Variants in KIZ observed in about 807,000 individuals in gnomAD.
The protein encoded by KIZ is kizuna centrosomal protein.
Under a neutral mutation model 79.6 loss-of-function variants are expected in KIZ, and 68 were observed. The ratio of observed to expected loss-of-function variants is 0.85; its 90% CI spans 0.70 to 1.05. The LOEUF (loss-of-function observed/expected upper bound fraction) is 1.05. KIZ is among the 50% of genes least tolerant of loss of function. The pLI is 0.00. For missense variants in KIZ, 797 were observed against 800.4 expected (o/e 1.00, Z 0.05); for synonymous variants, 280 against 281.8 (o/e 0.99, Z 0.06).
Position 21,162,796 on chromosome 20 carries a change from C to G in KIZ, c.1043-54C>G. ...GATGAGTAATTCTGCTGTGTGTTAC[C>G]TTGCTTCCTCCTGAAGTCAGTGATT... On this transcript the variant is annotated intron_variant, in intron 5 of 12. Coordinates refer to ENST00000619189, the MANE Select transcript of KIZ (RefSeq NM_018474.6). 3 of 1,425,348 alleles carry G rather than the reference C, an allele frequency of 2.1e-6. 1 individual carries two copies. The South Asian group carries it at 3.9e-5, about 19-fold the overall frequency. The allele number at this position is 1,425,348 out of a possible 1,614,324, so 88.3% of individuals were successfully genotyped here.
intron 6 of KIZ, among the ~76,000 whole-genome samples, chr20:21,168,167 G>A (rs1211672323): frequency 6.6e-5 from 10 of 152,054 alleles, no homozygotes; most frequent in East Asian, 1.9e-4. Context: ...GAGAACATGC[G>A]GTGTTTGGTT....
In KIZ at chr20:21,205,759, G is replaced by A. The variant is rs985744391; in HGVS notation, c.1446+175G>A. On this transcript the variant is annotated intron_variant, in intron 7 of 12. Coordinates refer to ENST00000619189, the MANE Select transcript of KIZ (RefSeq NM_018474.6). ...AGGTGGATCACGCGGTCAAGAGATC[G>A]AGACCATTCTGGCCAACATGATGAA... 9.2e-5 allele frequency among the ~76,000 whole-genome samples: 14 copies of A among 151,990 alleles called. No individual in the cohort carries two copies. The South Asian group carries it at 1.5e-3, about 16-fold the overall frequency.
At chr20:21,170,067 T>A (rs1395831428) in intron 6 of KIZ, among the ~76,000 whole-genome samples, 1 of 152,206 alleles carries the variant, frequency 6.6e-6, no homozygotes, top group Non-Finnish European at 1.5e-5. Context: ...GTTTTCAACT[T>A]ATTTGGGTAA....
chr20:21,226,453 A>T (rs901360957), intron 9 of KIZ, among the ~76,000 whole-genome samples: 10 of 152,152 alleles, frequency 6.6e-5, no homozygotes, highest in Non-Finnish European at 1.5e-4. Context: ...AACCCTTATT[A>T]ATTTTGTTTT....
chr20:21,167,358 T>C (rs1187890566), intron 6 of KIZ, among the ~76,000 whole-genome samples: 2 of 152,156 alleles, frequency 1.3e-5, no homozygotes, highest in African/African-American at 4.8e-5. Flanking sequence ...GGTAACAAAG[T>C]AGCTGAGTGA....
chr20:21,246,491 A>G lies in KIZ; in HGVS notation c.1937A>G (p.Glu646Gly). Residue 646 changes from glutamate to glycine, a missense_variant, in exon 13 of 13, where the codon GAG becomes GGG. Glu to Gly is a moderately conservative substitution (Grantham distance 98). Coordinates refer to ENST00000619189, the MANE Select transcript of KIZ (RefSeq NM_018474.6). ...TTTTATTTTCCAGCCCTCTGGGATG[A>G]GTCTGATGACAGTAACTCAGAAATT... ...INLKSNALWDESDDSNSEIEA... is the reference protein window; with the variant it reads ...INLKSNALWDGSDDSNSEIEA... The G allele has an allele frequency of 1.9e-6, 3 of 1,602,904 alleles. No homozygotes were observed. The highest frequency in any genetic ancestry group is 2.6e-6 in the Non-Finnish European group (3 of 1,170,084).
chr20:21,217,290 C>G (rs2036332635), intron 9 of KIZ, among the ~76,000 whole-genome samples: 1 of 152,208 alleles, frequency 6.6e-6, no homozygotes, highest in Non-Finnish European at 1.5e-5. Flanking sequence ...AATACTGTTG[C>G]TTTGTCCATC....
intron 2 of KIZ, among the ~76,000 whole-genome samples, chr20:21,134,536 C>T (rs2032055456): frequency 6.6e-6 from 1 of 152,126 alleles, no homozygotes; most frequent in Non-Finnish European, 1.5e-5. Context: ...ATTTTATCAA[C>T]ATTCTTTTTC....
At chr20:21,209,521 T>G (rs1193113822) in intron 7 of KIZ, among the ~76,000 whole-genome samples, 1 of 115,088 alleles carries the variant, frequency 8.7e-6, no homozygotes, top group East Asian at 2.8e-4. Flanking sequence ...CTGGACTGTT[T>G]TCTTGTTCTT....
In KIZ at chr20:21,174,085, A is replaced by G. The variant is rs555781866; in HGVS notation, c.1352+10926A>G. ...GCAGGTGCCAAGTAGAATGTTTCACATGAGGTTTAGAAAGCTTAAATAACC... is the reference window on the plus strand; with the variant it reads ...GCAGGTGCCAAGTAGAATGTTTCACGTGAGGTTTAGAAAGCTTAAATAACC... On this transcript the variant is annotated intron_variant, in intron 6 of 12. Transcript: ENST00000619189. 5.3e-5 allele frequency among the ~76,000 whole-genome samples: 8 copies of G among 152,268 alleles called. No individual in the cohort carries two copies. In the South Asian group the frequency reaches 1.7e-3, roughly 32 times the overall value.
chr20:21,215,626 G>A lies in KIZ; in HGVS notation c.1656G>A (p.Val552=). 1.9e-6 allele frequency: 3 copies of A among 1,605,932 alleles called. No individual in the cohort carries two copies. Among genetic ancestry groups the A allele is most frequent in the Non-Finnish European group, 2.6e-6 (3 of 1,174,220 alleles). Residue 552 remains valine (V), a synonymous_variant, in exon 9 of 13, where the codon GTG becomes GTA. Coordinates refer to ENST00000619189, the MANE Select transcript of KIZ (RefSeq NM_018474.6). The part of the protein sequence containing the change: ...GCGDKSKKEN[V]AADIPITETE... ...GAGACAAGAGCAAGAAAGAAAATGT[G>A]GCTGCAGATATCCCAATCACAGGTA...
At chr20:21,176,342 A>G (rs924985714) in intron 6 of KIZ, among the ~76,000 whole-genome samples, 1 of 152,068 alleles carries the variant, frequency 6.6e-6, no homozygotes, top group Non-Finnish European at 1.5e-5. Context: ...ATCAATCCGG[A>G]AAGCTGAAGA....
intron 6 of KIZ, among the ~76,000 whole-genome samples, chr20:21,186,888 T>C (rs1186786917): frequency 6.6e-6 from 1 of 152,166 alleles, no homozygotes; most frequent in East Asian, 1.9e-4. Context: ...TTTCTTCTTT[T>C]TGTCTTTGGC....
At chr20:21,161,763 C>A in intron 4 of KIZ, 108 bp from the exon 5 acceptor site, 1 of 719,432 alleles carries the variant, frequency 1.4e-6, no homozygotes. Context: ...GTGCTGATTT[C>A]AATAATCATG....
intron 6 of KIZ, among the ~76,000 whole-genome samples, chr20:21,204,498 A>G (rs1277713903): frequency 1.3e-5 from 2 of 152,146 alleles, no homozygotes; most frequent in African/African-American, 4.8e-5. Flanking sequence ...GATGAACTCA[A>G]GGATTTTCAT....
intron 1 of KIZ, among the ~76,000 whole-genome samples, chr20:21,131,583 G>T (rs2031846628): frequency 6.6e-6 from 1 of 152,128 alleles, no homozygotes; most frequent in African/African-American, 2.4e-5. Flanking sequence ...AAATGCCAGC[G>T]ACTCAGAGAA....
At chr20:21,159,099 C>T (rs540136621) in intron 4 of KIZ, among the ~76,000 whole-genome samples, 4 of 151,830 alleles carry the variant, frequency 2.6e-5, no homozygotes, top group African/African-American at 7.2e-5. Context: ...CCTCTGCCTC[C>T]TGGGTTCAAG....
At chr20:21,153,471 CTGT>C (rs1358453798) in intron 4 of KIZ, among the ~76,000 whole-genome samples, 1 of 151,796 alleles carries the variant, frequency 6.6e-6, no homozygotes, top group Non-Finnish European at 1.5e-5. Context: ...GTTCCAATAA[CTGT>C]TGAATTTCAT....
At chr20:21,223,527 T>C (rs2036564751) in intron 9 of KIZ, among the ~76,000 whole-genome samples, 1 of 152,168 alleles carries the variant, frequency 6.6e-6, no homozygotes, top group African/African-American at 2.4e-5. Flanking sequence ...AAAGTCTGGA[T>C]GTGAAAAGTG....
Sources: allele counts gnomAD v4.1 joint callset (sites outside exome capture counted in the v4.1 genomes callset), GRCh38; gene constraint gnomAD v4.1.1; transcripts MANE v1.5; gene names NCBI Gene and HGNC (gene_info 2026-07-23, HGNC 2026-07-21).